HK1: variants seen among roughly 807,000 people sequenced by gnomAD.
The protein encoded by HK1 is hexokinase 1.
In HK1, 28 loss-of-function variants were observed where a neutral mutation model predicts 91.6. The observed-to-expected ratio is 0.31, with a 90% CI of 0.23 to 0.42. The LOEUF (loss-of-function observed/expected upper bound fraction) is 0.42, where lower values mean the gene tolerates loss of function less well. HK1 is among the 10% of genes least tolerant of loss of function. The pLI is 1.00. For missense variants in HK1, 770 were observed against 1,219.8 expected, an observed-to-expected ratio of 0.63 and a Z score of 5.49; for synonymous variants, 430 against 468.1, an observed-to-expected ratio of 0.92 and a Z score of 1.05.
In HK1 at chr10:69,401,182, A is replaced by G. The variant is rs747423069; in HGVS notation, c.*47A>G. On this transcript the variant is annotated 3_prime_UTR_variant, in exon 18 of 18. Coordinates refer to ENST00000359426, the MANE Select transcript of HK1 (RefSeq NM_000188.3). ...CTGCCTCTCCAGCACTTCTCTCTTC[A>G]AGCGGCGACCCCCTACCCTCCCAGC... is the stretch of plus-strand genomic sequence containing the variant. The G allele has an allele frequency of 4.4e-6, 7 of 1,586,226 alleles. No homozygotes were observed. Among genetic ancestry groups the G allele is most frequent in the Non-Finnish European group, 6.0e-6 (7 of 1,168,278 alleles).
intron 5 of HK1, among the ~76,000 whole-genome samples, chr10:69,305,495 T>C (rs1242341226): frequency 6.6e-6 from 1 of 151,754 alleles, no homozygotes; most frequent in Admixed American, 6.6e-5. Flanking sequence ...ACCATCTGTC[T>C]CTCCCGATCA....
chr10:69,338,742 A>T (rs1848141484), intron 1 of HK1: 1 of 1,232,606 alleles, frequency 8.1e-7, no homozygotes, highest in Middle Eastern at 3.4e-4. Flanking sequence ...TGAGTGTGTG[A>T]GAGTGTGTGT....
chr10:69,340,432 T>C (rs1347398265), intron 1 of HK1, among the ~76,000 whole-genome samples: 1 of 152,154 alleles, frequency 6.6e-6, no homozygotes, highest in Non-Finnish European at 1.5e-5. Context: ...GTATTTTTAG[T>C]AGAGACCGGG....
intron 4 of HK1, among the ~76,000 whole-genome samples, chr10:69,366,038 C>T (rs1849683710): frequency 6.6e-6 from 1 of 152,106 alleles, no homozygotes; most frequent in African/African-American, 2.4e-5. Context: ...ACCATCTTGG[C>T]CAGGCTGGTC....
intron 17 of HK1, 32 bp from the exon 18 acceptor site, chr10:69,400,959 C>T (rs754789410): frequency 3.7e-6 from 6 of 1,613,862 alleles, no homozygotes; most frequent in Non-Finnish European, 5.1e-6. Flanking sequence ...TCATCTTCCT[C>T]CAACTACCTT....
chr10:69,329,188 G>A (rs1250283048), intron 1 of HK1, among the ~76,000 whole-genome samples: 1 of 145,254 alleles, frequency 6.9e-6, no homozygotes, highest in Non-Finnish European at 1.5e-5. Flanking sequence ...TTTTCAGATG[G>A]AGTCTTGCTC....
At chr10:69,295,142 A>T (rs1845495708) in intron 3 of HK1, among the ~76,000 whole-genome samples, 1 of 152,008 alleles carries the variant, frequency 6.6e-6, no homozygotes, top group Admixed American at 6.6e-5. Context: ...CTTGATGGCC[A>T]TGTTGCCTCC....
chr10:69,397,272 G>A (rs1840184043), intron 16 of HK1, among the ~76,000 whole-genome samples: 1 of 147,370 alleles, frequency 6.8e-6, no homozygotes, highest in Non-Finnish European at 1.5e-5. Flanking sequence ...CCCACCAGCA[G>A]CCCGTGAAAG....
chr10:69,283,409 C>T (rs1373764289), intron 2 of HK1, among the ~76,000 whole-genome samples: 6 of 144,568 alleles, frequency 4.2e-5, no homozygotes, highest in Non-Finnish European at 7.6e-5. Context: ...AGCCCATGAT[C>T]GCACCACTGC....
rs1335364841 is a variant in HK1 at position 69,392,158 on chromosome 10, T to C, written c.2069T>C (p.Met690Thr). The change falls in exon 15 of 18, where the codon ATG becomes ACG. Residue 690 changes from methionine to threonine, a missense_variant. Met to Thr is a moderately conservative substitution (Grantham distance 81). Transcript: ENST00000359426. ...AGCAATGCCTGCTACATGGAGGAGA[T>C]GAAGAACGTGGAGATGGTGGAGGGG... ...TGSNACYMEE[M>T]KNVEMVEGDQ... The C allele has an allele frequency of 1.9e-6, 3 of 1,613,984 alleles. No homozygotes were observed. Among genetic ancestry groups the C allele is most frequent in the African/African-American group, 1.3e-5 (1 of 74,880 alleles).
chr10:69,294,156 C>T (rs984868484), intron 3 of HK1, among the ~76,000 whole-genome samples: 6 of 152,256 alleles, frequency 3.9e-5, no homozygotes, highest in Admixed American at 2.0e-4. Context: ...CCACCGCGCC[C>T]GGCCCTGCAC....
intron 15 of HK1, 61 bp from the exon 16 acceptor site, chr10:69,394,889 A>AG (rs900050315): frequency 6.4e-7 from 1 of 1,557,260 alleles, no homozygotes; most frequent in Non-Finnish European, 8.9e-7. Flanking sequence ...CGTGAGACCG[A>AG]GGGGTGACAG....
chr10:69,338,173 T>G, intron 1 of HK1: 1 of 950,796 alleles, frequency 1.1e-6, no homozygotes, highest in Non-Finnish European at 1.3e-6. Flanking sequence ...AGAAGGAGAA[T>G]CCAGGACAAG....
At chr10:69,279,745 G>C (rs1252747009) in intron 1 of HK1, among the ~76,000 whole-genome samples, 1 of 152,160 alleles carries the variant, frequency 6.6e-6, no homozygotes, top group Non-Finnish European at 1.5e-5. Context: ...AGGTGTCTGT[G>C]ACCTAGGATA....
At chr10:69,368,838 A>C (rs1849841742) in intron 5 of HK1, among the ~76,000 whole-genome samples, 1 of 152,132 alleles carries the variant, frequency 6.6e-6, no homozygotes, top group Admixed American at 6.5e-5. Context: ...TGGAGCACCC[A>C]GGCCTGGAGC....
upstream of HK1, among the ~76,000 whole-genome samples, chr10:69,314,719 G>A (rs940716067): frequency 6.6e-6 from 1 of 151,568 alleles, no homozygotes; most frequent in African/African-American, 2.4e-5. Flanking sequence ...CCAGGCTGGA[G>A]TGCAGTGGCA....
At chr10:69,368,398 C>A in intron 4 of HK1, 138 bp from the exon 5 acceptor site, 1 of 731,276 alleles carries the variant, frequency 1.4e-6, no homozygotes, top group East Asian at 2.7e-5. Context: ...GGCCCCTCCC[C>A]AAGCCCAGTG....
intron 3 of HK1, among the ~76,000 whole-genome samples, chr10:69,291,422 A>G (rs1000828834): frequency 9.9e-5 from 15 of 152,192 alleles, no homozygotes; most frequent in Non-Finnish European, 1.5e-5. Context: ...CTGTCAATCC[A>G]TGATCTTTAT....
intron 1 of HK1, among the ~76,000 whole-genome samples, chr10:69,332,389 CTTTTTTTG>C (rs1847778072): frequency 6.7e-6 from 1 of 149,398 alleles, no homozygotes. Flanking sequence ...TTCTTTTTTT[CTTTTTTTG>C]AGACAGACTC....
Sources: gnomAD v4.1 joint callset for allele counts (sites outside exome capture counted in the v4.1 genomes callset) on GRCh38, gnomAD v4.1.1 for gene constraint, MANE v1.5 for transcripts, NCBI Gene and HGNC (gene_info 2026-07-23, HGNC 2026-07-21) for gene names.